The following CSNK1A1 variants were observed in gnomAD, a reference collection of about 807,000 sequenced individuals.
The protein encoded by CSNK1A1 is casein kinase 1 alpha 1, also known as casein kinase I isoform alpha.
Under a neutral mutation model 46.1 loss-of-function variants are expected in CSNK1A1, and 7 were observed. That is an observed-to-expected ratio of 0.15 (90% CI 0.09 to 0.29). CSNK1A1 has a LOEUF of 0.29. Among genes scored for constraint, CSNK1A1 ranks in the 10% least tolerant of loss-of-function variants. The pLI, the probability that CSNK1A1 is intolerant of heterozygous loss-of-function variation, is 1.00. For missense variants in CSNK1A1, 96 were observed against 417.1 expected, an observed-to-expected ratio of 0.23 and a Z score of 6.71; for synonymous variants, 137 against 141.5, an observed-to-expected ratio of 0.97 and a Z score of 0.23.
rs555921533 is a variant in CSNK1A1 at position 149,551,210 on chromosome 5, A to C, written c.-246T>G. On this transcript the variant is annotated 5_prime_UTR_variant, in exon 1 of 10. Coordinates refer to ENST00000377843, the MANE Select transcript of CSNK1A1 (RefSeq NM_001892.6). ...TTCTCGGCGGTTACCAGGCTGGGCCACTTGTTTCTCGGCGGCCGCCGCTGC... is the reference window on the plus strand; with the variant it reads ...TTCTCGGCGGTTACCAGGCTGGGCCCCTTGTTTCTCGGCGGCCGCCGCTGC... The C allele has an allele frequency of 1.8e-4, 60 of 330,688 alleles. 2 individuals are homozygous for C. The South Asian group carries it at 3.9e-3, about 21-fold the overall frequency. 20.5% of individuals were successfully genotyped at this position (330,688 alleles called of 1,614,324 possible).
intron 2 of CSNK1A1, among the ~76,000 whole-genome samples, chr5:149,542,224 A>C (rs1762256262): frequency 6.6e-6 from 1 of 151,872 alleles, no homozygotes. Context: ...TGCATTCCTT[A>C]TGAGAATCTA....
At chr5:149,526,781 G>C (rs947740489) in intron 2 of CSNK1A1, among the ~76,000 whole-genome samples, 16 of 152,216 alleles carry the variant, frequency 1.1e-4, no homozygotes, top group African/African-American at 2.9e-4. Context: ...CTGAGAAAGG[G>C]GGGGGAGCCT....
At chr5:149,514,280 ATTG>A (rs1761330524) in intron 4 of CSNK1A1, among the ~76,000 whole-genome samples, 1 of 152,182 alleles carries the variant, frequency 6.6e-6, no homozygotes, top group Admixed American at 6.5e-5. Flanking sequence ...AATGTAGCTA[ATTG>A]TTGTATGTAA....
chr5:149,551,021 G>A lies in CSNK1A1; in HGVS notation c.-57C>T, dbSNP rs1262316647. 1.2e-6 allele frequency: 2 copies of A among 1,601,050 alleles called. No individual in the cohort carries two copies. The highest frequency in any genetic ancestry group is 1.7e-6 in the Non-Finnish European group (2 of 1,172,088). On this transcript the variant is annotated 5_prime_UTR_variant, in exon 1 of 10. Coordinates refer to ENST00000377843, the MANE Select transcript of CSNK1A1 (RefSeq NM_001892.6). ...GCCCCGACACCTCTGGGAAGAGGAC[G>A]GAGGCCTCGGGGCTCCTACACTAGG...
intron 7 of CSNK1A1, among the ~76,000 whole-genome samples, chr5:149,508,010 T>C (rs115517820): frequency 0.019 from 2,927 of 152,262 alleles, 35 homozygotes; most frequent in Non-Finnish European, 0.027. Flanking sequence ...CAATCAGCAA[T>C]GTGGAAATAC....
At chr5:149,527,481 T>C (rs555284073) in intron 2 of CSNK1A1, among the ~76,000 whole-genome samples, 86 of 152,264 alleles carry the variant, frequency 5.6e-4, no homozygotes, top group Non-Finnish European at 8.1e-4. Flanking sequence ...CTGCTGTTAT[T>C]TTCCCTCTTC....
chr5:149,546,516 C>G (rs1254179974), intron 2 of CSNK1A1, among the ~76,000 whole-genome samples: 1 of 151,792 alleles, frequency 6.6e-6, no homozygotes, highest in Non-Finnish European at 1.5e-5. Context: ...GCCTGTAGTC[C>G]CAGCTACTCA....
At chr5:149,511,709 AG>A (rs1761228793) in intron 6 of CSNK1A1, 84 bp downstream of exon 6, 1 of 927,258 alleles carries the variant, frequency 1.1e-6, no homozygotes, top group Non-Finnish European at 1.7e-6. Flanking sequence ...CAGACTTAGA[AG>A]GGACCTTAAA....
intron 2 of CSNK1A1, among the ~76,000 whole-genome samples, chr5:149,536,449 C>T (rs1279416571): frequency 6.6e-6 from 1 of 151,922 alleles, no homozygotes; most frequent in Non-Finnish European, 1.5e-5. Flanking sequence ...AAACTGTAGA[C>T]AAAAACGATA....
At chr5:149,499,975 T>C (rs1305630202) in intron 9 of CSNK1A1, among the ~76,000 whole-genome samples, 5 of 125,036 alleles carry the variant, frequency 4.0e-5, no homozygotes, top group Admixed American at 9.3e-5. Flanking sequence ...TTCTTTTTTT[T>C]TTTTTTTTTT....
At chr5:149,541,970 CAAAAAAAAAAAA>C (rs1171466150) in intron 2 of CSNK1A1, among the ~76,000 whole-genome samples, 6 of 40,040 alleles carry the variant, frequency 1.5e-4, no homozygotes, top group Non-Finnish European at 2.4e-4. Flanking sequence ...GACTGCATCT[CAAAAAAAAAAAA>C]AAAAAAAAAA....
In CSNK1A1 at chr5:149,550,333, G is replaced by A. The variant is rs896779330; in HGVS notation, c.124-152C>T. 4 of 1,434,756 alleles carry A rather than the reference G, an allele frequency of 2.8e-6. No individual in the cohort carries two copies. Among genetic ancestry groups the A allele is most frequent in the Non-Finnish European group, 3.6e-6 (4 of 1,098,756 alleles). The allele number at this position is 1,434,756 out of a possible 1,614,324, so 88.9% of individuals were successfully genotyped here. A position where few individuals can be genotyped will look rare whatever the true frequency, so the allele number is the denominator to read the frequency against. The stretch of plus-strand genomic sequence containing the variant: ...AAGCTCTCGGTAATTATAAAACGAG[G>A]CAACCAGCCTCAAAGGCCTCTTCAG... On this transcript the variant is annotated intron_variant, in intron 1 of 9. Coordinates refer to ENST00000377843, the MANE Select transcript of CSNK1A1 (RefSeq NM_001892.6). This position sits in a 1 kb window ranked among gnomAD's most constrained non-coding sequence, Gnocchi z 4.3.
intron 7 of CSNK1A1, among the ~76,000 whole-genome samples, chr5:149,507,710 C>G (rs1449564866): frequency 6.6e-6 from 1 of 152,076 alleles, no homozygotes; most frequent in African/African-American, 2.4e-5. Flanking sequence ...GAGATCTGCC[C>G]CCCTTGGCCT....
rs372280365 is a variant in CSNK1A1, at chr5:149,512,025, A to T, written c.597-153T>A. Among the ~76,000 whole-genome samples, 35 of 152,276 alleles carry T rather than the reference A, an allele frequency of 2.3e-4. No individual in the cohort carries two copies. In the East Asian group the frequency reaches 2.9e-3, roughly 13 times the overall value. On this transcript the variant is annotated intron_variant, in intron 5 of 9. Transcript: ENST00000377843. ...AGCTACTTATTTAAGGTGATTTTAAAAAGTTCATGTGTTACCTACCTCTAA... is the reference window on the plus strand; with the variant it reads ...AGCTACTTATTTAAGGTGATTTTAATAAGTTCATGTGTTACCTACCTCTAA...
chr5:149,541,703 C>T (rs114031822), intron 2 of CSNK1A1, among the ~76,000 whole-genome samples: 2,272 of 151,822 alleles, frequency 0.015, 21 homozygotes, highest in Middle Eastern at 0.024. Context: ...TAGCCAGGTG[C>T]GGTGGCTCAC....
intron 6 of CSNK1A1, 139 bp downstream of exon 6, chr5:149,511,655 T>C (rs898637758): frequency 9.5e-6 from 6 of 631,196 alleles, no homozygotes; most frequent in African/African-American, 7.7e-5. Flanking sequence ...AGATAAAAGG[T>C]AAAAAGTAAA....
chr5:149,546,721 A>T (rs1345058683), intron 2 of CSNK1A1, among the ~76,000 whole-genome samples: 1 of 152,206 alleles, frequency 6.6e-6, no homozygotes, highest in Non-Finnish European at 1.5e-5. Context: ...GGATAAAGGC[A>T]GCAAAATCTA....
In CSNK1A1 at chr5:149,550,140, G is replaced by A. The variant is rs771928667; in HGVS notation, c.165C>T (p.Pro55=). ...VKLESQKARH[P]QLLYESKLYK... is the part of the protein sequence containing the mutation. ...AGAGCTTGCTCTCGTACAGCAACTGGGGATGCCTGGCCTTCTGAGATTCTA... is the reference window on the plus strand; with the variant it reads ...AGAGCTTGCTCTCGTACAGCAACTGAGGATGCCTGGCCTTCTGAGATTCTA... Residue 55 remains proline, a synonymous_variant, in exon 2 of 10, where the codon CCC becomes CCT. Coordinates refer to ENST00000377843, the MANE Select transcript of CSNK1A1 (RefSeq NM_001892.6). This position sits in a 1 kb window ranked among gnomAD's most constrained non-coding sequence, Gnocchi z 4.3. 5 of 1,613,926 alleles carry A rather than the reference G, an allele frequency of 3.1e-6. No individual in the cohort carries two copies. Among genetic ancestry groups the A allele is most frequent in the Admixed American group, 3.3e-5 (2 of 59,984 alleles).
At chr5:149,545,404 G>T in intron 2 of CSNK1A1, 1 of 505,522 alleles carries the variant, frequency 2.0e-6, no homozygotes, top group Non-Finnish European at 3.6e-6. Flanking sequence ...CCTTTGTAGG[G>T]GCCTGAGAGC....
Sources: gnomAD v4.1 joint callset for allele counts (sites outside exome capture counted in the v4.1 genomes callset) on GRCh38, gnomAD v4.1.1 for gene constraint, Gnocchi (gnomAD v3.1) non-coding constraint, MANE v1.5 for transcripts, NCBI Gene and HGNC (gene_info 2026-07-23, HGNC 2026-07-21) for gene names.